TARDBP: variants seen among roughly 807,000 people sequenced by gnomAD.
TARDBP encodes the protein TAR DNA-binding protein 43.
Under a neutral mutation model 38.3 loss-of-function variants are expected in TARDBP, and 4 were observed. The ratio of observed to expected loss-of-function variants is 0.10; its 90% CI spans 0.05 to 0.24. The LOEUF is 0.24. TARDBP is among the 10% of genes least tolerant of loss of function. The pLI is 1.00. For missense variants in TARDBP, 202 were observed against 521.9 expected (o/e 0.39, Z 5.97); for synonymous variants, 184 against 183.8 (o/e 1.00, Z -0.01).
chr1:11,017,492 C>G (rs942321743), intron 3 of TARDBP, among the ~76,000 whole-genome samples: 4 of 152,032 alleles, frequency 2.6e-5, no homozygotes, highest in Admixed American at 2.0e-4. Context: ...TGAGCCACCG[C>G]GCCCGGCCAC....
intron 2 of TARDBP, chr1:11,015,690 C>G (rs909995927): frequency 6.6e-6 from 1 of 151,640 alleles, no homozygotes; most frequent in East Asian, 1.9e-4. Flanking sequence ...AATTATCTCC[C>G]CTTCTCTTCT....
In TARDBP at chr1:11,022,034, A is replaced by G; in HGVS notation, c.715-90A>G. ...TTATTTTTCCTCTGGCTTTAGATAA[A>G]TTAATGCTTGTAATCTAAGTTTTGT... is the stretch of plus-strand genomic sequence containing the variant. On this transcript the variant is annotated intron_variant, in intron 5 of 5. Coordinates refer to ENST00000240185, the MANE Select transcript of TARDBP (RefSeq NM_007375.4). This position sits in a 1 kb window ranked among gnomAD's most constrained non-coding sequence, Gnocchi z 4.5. 1.3e-6 allele frequency: 2 copies of G among 1,483,878 alleles called. No homozygotes were observed. The highest frequency in any genetic ancestry group is 9.4e-7 in the Non-Finnish European group (1 of 1,068,372). 91.9% of individuals were successfully genotyped at this position (1,483,878 alleles called of 1,614,324 possible). A position where few individuals can be genotyped will look rare whatever the true frequency, so the allele number is the denominator to read the frequency against.
At chr1:11,019,568 C>T (rs1028045419) in intron 4 of TARDBP, among the ~76,000 whole-genome samples, 5 of 151,766 alleles carry the variant, frequency 3.3e-5, no homozygotes, top group South Asian at 2.1e-4. Flanking sequence ...GTTTGCACAA[C>T]GACTTTTTTT....
intron 3 of TARDBP, among the ~76,000 whole-genome samples, chr1:11,017,968 C>T (rs566685996): frequency 4.6e-5 from 7 of 152,176 alleles, no homozygotes; most frequent in East Asian, 3.9e-4. Flanking sequence ...CTGCAAGCTC[C>T]GCTTCCCGGG....
rs1643659351 is a variant in TARDBP, at chr1:11,022,463, A to G, written c.1054A>G (p.Asn352Asp). The change falls in exon 6 of 6, where the codon AAT (asparagine) becomes GAT (aspartate). Residue 352 changes from asparagine to aspartate, a missense_variant. Physicochemically the swap from Asn to Asp is conservative, Grantham distance 23. Transcript: ENST00000240185. The surrounding 1 kb of genome is among the most constrained non-coding windows in gnomAD (Gnocchi z 4.5). ...SQQNQSGPSGNNQNQGNMQRE... is the reference protein window; with the variant it reads ...SQQNQSGPSGDNQNQGNMQRE... ...GCAGAACCAGTCAGGCCCATCGGGT[A>G]ATAACCAAAACCAAGGCAACATGCA... 1.9e-6 allele frequency: 3 copies of G among 1,610,948 alleles called. No homozygotes were observed. The highest frequency in any genetic ancestry group is 2.5e-6 in the Non-Finnish European group (3 of 1,177,370).
downstream of TARDBP, among the ~76,000 whole-genome samples, chr1:11,029,211 A>C (rs1370468189): frequency 6.6e-6 from 1 of 151,664 alleles, no homozygotes; most frequent in Admixed American, 6.6e-5. Context: ...CATGTTGGCC[A>C]AGATGGTCTC....
downstream of TARDBP, chr1:11,025,965 CTG>C (rs1466697313): frequency 1.3e-5 from 2 of 154,868 alleles, no homozygotes; most frequent in South Asian, 2.0e-4. Context: ...TTAGGCATCA[CTG>C]TGCCCAAGTA....
In TARDBP at chr1:11,022,682, G is replaced by GT; in HGVS notation, c.*28_*29insT. 1 of 1,595,046 alleles carries GT rather than the reference G, an allele frequency of 6.3e-7. No individual in the cohort carries two copies. Among genetic ancestry groups the GT allele is most frequent in the Non-Finnish European group, 8.5e-7 (1 of 1,171,966 alleles). On this transcript the variant is annotated 3_prime_UTR_variant, in exon 6 of 6. Coordinates refer to ENST00000240185, the MANE Select transcript of TARDBP (RefSeq NM_007375.4). The surrounding 1 kb of genome is among the most constrained non-coding windows in gnomAD (Gnocchi z 4.5). Reference sequence around the variant, plus strand: ...AGTGGGGTTGTGGTTGGTTGGTATAGAATGGTGGGAATTCAAATTTTTCTA... The same window carrying GT: ...AGTGGGGTTGTGGTTGGTTGGTATAGTAATGGTGGGAATTCAAATTTTTCTA...
At chr1:11,026,423 T>G (rs1028049525), downstream of TARDBP, 3 of 153,136 alleles carry the variant, frequency 2.0e-5, no homozygotes, top group Admixed American at 6.5e-5. Flanking sequence ...AGTCAATACC[T>G]GGGCTGAAGT....
intron 4 of TARDBP, chr1:11,019,161 A>G (rs1437254202): frequency 9.3e-6 from 4 of 428,402 alleles, no homozygotes; most frequent in Non-Finnish European, 1.7e-5. Flanking sequence ...TTACATAGTT[A>G]TATGTTAAAA....
rs374054081 is a variant in TARDBP, at chr1:11,020,616, C to T, written c.714+17C>T. 6.7e-5 allele frequency: 108 copies of T among 1,612,170 alleles called. No homozygotes were observed. Among genetic ancestry groups the T allele is most frequent in the Non-Finnish European group, 8.4e-5 (99 of 1,179,528 alleles). ...GATGATCAGGTATTTTTCTCCTTAA[C>T]GATATGTCCCGGCCGGGCGTGGTGG... On this transcript the variant is annotated intron_variant, in intron 5 of 5. Coordinates refer to ENST00000240185, the MANE Select transcript of TARDBP (RefSeq NM_007375.4).
intron 1 of TARDBP, 99 bp from the exon 2 acceptor site, chr1:11,013,617 T>C: frequency 2.0e-6 from 2 of 1,016,670 alleles, no homozygotes; most frequent in Admixed American, 2.0e-5. Context: ...CAAGCATTTT[T>C]CTGGAAGTCA....
intron 3 of TARDBP, among the ~76,000 whole-genome samples, chr1:11,017,609 T>C (rs2100846482): frequency 6.6e-6 from 1 of 152,360 alleles, no homozygotes. Flanking sequence ...GCCTTTGATA[T>C]TGTAAAATCC....
chr1:11,018,801 A>T lies in TARDBP; in HGVS notation c.471A>T (p.Thr157=). 6.2e-6 allele frequency: 10 copies of T among 1,614,250 alleles called. No homozygotes were observed. The highest frequency in any genetic ancestry group is 8.5e-6 in the Non-Finnish European group (10 of 1,180,044). The change falls in exon 4 of 6, where the codon ACA becomes ACT. Residue 157 remains threonine (T), a synonymous_variant. Transcript: ENST00000240185. ...TTGTTCGTTTTACGGAATATGAAAC[A>T]CAAGTGAAAGTAATGTCACAGCGAC... The part of the protein sequence containing the change: ...FGFVRFTEYE[T]QVKVMSQRHM...
intron 5 of TARDBP, among the ~76,000 whole-genome samples, chr1:11,021,012 G>A (rs149879448): frequency 1.1e-4 from 16 of 152,272 alleles, no homozygotes; most frequent in East Asian, 7.7e-4. Context: ...CTTGTAAGAC[G>A]TAGGGTGTAT....
chr1:11,030,432 G>A, downstream of TARDBP: 1 of 594,290 alleles, frequency 1.7e-6, no homozygotes, highest in East Asian at 2.9e-5. Context: ...TGCTTGCAAA[G>A]TGGAAACCTT....
downstream of TARDBP, chr1:11,027,717 C>T (rs1278284143): frequency 3.3e-6 from 5 of 1,494,892 alleles, no homozygotes; most frequent in Non-Finnish European, 4.5e-6. Flanking sequence ...TAAATTATGA[C>T]CGCCTTGAAG....
rs1211696985 is a variant in TARDBP, at chr1:11,018,678, A to C, written c.403-55A>C. The C allele has an allele frequency of 1.9e-6, 3 of 1,612,772 alleles. No individual in the cohort carries two copies. The East Asian group carries it at 6.7e-5, about 36-fold the overall frequency. On this transcript the variant is annotated intron_variant, in intron 3 of 5. Transcript: ENST00000240185. ...GTTTTCTAAGGAACTATGATTTGGG[A>C]ATGGAGTGTGTGAGTATGTGCACTT...
chr1:11,030,275 A>G, downstream of TARDBP: 2 of 1,528,838 alleles, frequency 1.3e-6, no homozygotes, highest in South Asian at 1.1e-5. Flanking sequence ...AAAAGCAAAA[A>G]TGTTTAACTG....
Sources: gnomAD v4.1 joint callset for allele counts (sites outside exome capture counted in the v4.1 genomes callset) on GRCh38, gnomAD v4.1.1 for gene constraint, Gnocchi (gnomAD v3.1) non-coding constraint, MANE v1.5 for transcripts, NCBI Gene and HGNC (gene_info 2026-07-23, HGNC 2026-07-21) for gene names.